Variants in AUH observed in about 807,000 individuals in gnomAD.
AUH encodes methylglutaconyl-CoA hydratase, mitochondrial.
AUH carries 29 observed loss-of-function variants against 42.3 expected under a neutral mutation model. That is an observed-to-expected ratio of 0.69 (90% CI 0.51 to 0.93). AUH has a LOEUF of 0.93. AUH is among the 40% of genes least tolerant of loss of function. The probability of loss-of-function intolerance (pLI) is 0.00; values close to 1 mark genes in which losing one functional copy is unlikely to be tolerated. For synonymous variants in AUH, 174 were observed against 166.4 expected, an observed-to-expected ratio of 1.05 and a Z score of -0.35; for missense variants, 452 against 438.1, an observed-to-expected ratio of 1.03 and a Z score of -0.28.
chr9:91,341,691 G>A (rs1202784626), intron 3 of AUH, among the ~76,000 whole-genome samples: 2 of 152,218 alleles, frequency 1.3e-5, no homozygotes, highest in East Asian at 3.9e-4. Context: ...CTATGGGCCA[G>A]GCACTGTTCT....
chr9:91,268,795 T>C (rs1030602834), intron 6 of AUH, among the ~76,000 whole-genome samples: 5 of 152,272 alleles, frequency 3.3e-5, no homozygotes, highest in African/African-American at 9.6e-5. Context: ...GTTGTAACTA[T>C]TTCCCAGTCT....
chr9:91,316,906 C>A (rs148965703), intron 4 of AUH, among the ~76,000 whole-genome samples: 82 of 151,976 alleles, frequency 5.4e-4, no homozygotes, highest in Non-Finnish European at 9.6e-4. Context: ...TCACTGTTTT[C>A]TTTTATGTGT....
chr9:91,329,512 T>G (rs776627820), intron 3 of AUH, among the ~76,000 whole-genome samples: 2 of 152,162 alleles, frequency 1.3e-5, no homozygotes, highest in African/African-American at 2.4e-5. Context: ...GTTAAACACT[T>G]TTCATGTGCT....
rs144652997 is a variant in AUH at position 91,241,268 on chromosome 9, G to A, written c.656-20276C>T. 6.6e-5 allele frequency among the ~76,000 whole-genome samples: 10 copies of A among 152,206 alleles called. No homozygotes were observed. The East Asian group carries it at 1.9e-3, about 29-fold the overall frequency. On this transcript the variant is annotated intron_variant, in intron 6 of 9. Coordinates refer to ENST00000375731, the MANE Select transcript of AUH (RefSeq NM_001698.3). Reference sequence around the variant, plus strand: ...CATACATGTATCAGATCAATTACTAGGGCTGCAGTAAGACATCTACCTACC... The same window carrying A: ...CATACATGTATCAGATCAATTACTAAGGCTGCAGTAAGACATCTACCTACC...
At chr9:91,351,779 A>T (rs1278075640) in intron 3 of AUH, among the ~76,000 whole-genome samples, 2 of 152,218 alleles carry the variant, frequency 1.3e-5, no homozygotes, top group Non-Finnish European at 2.9e-5. Context: ...TATGAGAATC[A>T]GGCCAAGGTG....
At chr9:91,336,804 T>A (rs1244926317) in intron 3 of AUH, among the ~76,000 whole-genome samples, 2 of 152,190 alleles carry the variant, frequency 1.3e-5, no homozygotes, top group African/African-American at 2.4e-5. Context: ...CTACTTCTGG[T>A]TCTTCTTGGA....
At chr9:91,325,179 G>A (rs1829882368) in intron 4 of AUH, 139 bp downstream of exon 4, 2 of 597,224 alleles carry the variant, frequency 3.3e-6, no homozygotes, top group East Asian at 3.1e-5. Context: ...TATATTAAGT[G>A]TCACGTTAAA....
intron 6 of AUH, among the ~76,000 whole-genome samples, chr9:91,227,912 C>A: frequency 6.6e-6 from 1 of 151,790 alleles, no homozygotes; most frequent in Non-Finnish European, 1.5e-5. Flanking sequence ...CCCACTTGAT[C>A]ATGGTGGATA....
chr9:91,325,462 G>T (rs1316174362), intron 3 of AUH, 58 bp from the exon 4 acceptor site: 2 of 1,452,914 alleles, frequency 1.4e-6, no homozygotes, highest in Admixed American at 1.7e-5. Context: ...TTAAGGCAAA[G>T]AATTGAAAAT....
At chr9:91,354,770 T>C (rs1389534323) in intron 3 of AUH, among the ~76,000 whole-genome samples, 2 of 152,190 alleles carry the variant, frequency 1.3e-5, no homozygotes, top group East Asian at 3.8e-4. Flanking sequence ...AGCTACTCTG[T>C]ATCTTCCCAA....
chr9:91,307,665 T>C (rs2131730878), intron 4 of AUH, among the ~76,000 whole-genome samples: 1 of 152,342 alleles, frequency 6.6e-6, no homozygotes, highest in African/African-American at 2.4e-5. Flanking sequence ...TTACAGAATA[T>C]TGTTGCAAAT....
chr9:91,285,573 G>T (rs1468802234), intron 6 of AUH, among the ~76,000 whole-genome samples: 1 of 117,724 alleles, frequency 8.5e-6, no homozygotes, highest in Non-Finnish European at 1.7e-5. Context: ...TATTATAAAG[G>T]GCAGTTATGA....
intron 6 of AUH, among the ~76,000 whole-genome samples, chr9:91,238,639 A>G (rs996790162): frequency 6.6e-6 from 1 of 152,224 alleles, no homozygotes; most frequent in African/African-American, 2.4e-5. Context: ...GAAATGTAAT[A>G]TTACTGTTTA....
chr9:91,239,450 C>T (rs1828377386), intron 6 of AUH, among the ~76,000 whole-genome samples: 1 of 152,102 alleles, frequency 6.6e-6, no homozygotes, highest in African/African-American at 2.4e-5. Flanking sequence ...ATTATAAAGC[C>T]CACTGCAAGC....
intron 6 of AUH, among the ~76,000 whole-genome samples, chr9:91,280,690 G>C (rs1033585968): frequency 1.1e-4 from 17 of 151,878 alleles, no homozygotes; most frequent in African/African-American, 3.9e-4. Flanking sequence ...TTTTCTCCAG[G>C]AGCAGTAATT....
chr9:91,261,473 A>G (rs1829704904), intron 6 of AUH, among the ~76,000 whole-genome samples: 1 of 152,184 alleles, frequency 6.6e-6, no homozygotes, highest in Non-Finnish European at 1.5e-5. Context: ...AACTCTGGGA[A>G]TTAGTCTGCT....
intron 1 of AUH, chr9:91,360,328 C>A (rs1832754286): frequency 6.6e-6 from 1 of 152,224 alleles, no homozygotes; most frequent in Non-Finnish European, 1.5e-5. Flanking sequence ...CTAGTCTATG[C>A]TTCCAGCTGA....
chr9:91,325,131 G>A (rs1212283448), intron 4 of AUH, among the ~76,000 whole-genome samples, 187 bp downstream of exon 4: 1 of 151,932 alleles, frequency 6.6e-6, no homozygotes, highest in South Asian at 2.1e-4. Context: ...TAAGACATCT[G>A]TAATTATTAA....
chr9:91,290,134 G>A (rs1308116005), intron 6 of AUH, among the ~76,000 whole-genome samples: 1 of 152,208 alleles, frequency 6.6e-6, no homozygotes, highest in African/African-American at 2.4e-5. Context: ...GGACAAAAGA[G>A]GTCAGAGGCA....
Sources: allele counts gnomAD v4.1 joint callset (sites outside exome capture counted in the v4.1 genomes callset), GRCh38; gene constraint gnomAD v4.1.1; transcripts MANE v1.5; gene names NCBI Gene and HGNC (gene_info 2026-07-23, HGNC 2026-07-21).